CD177: variants seen among roughly 807,000 people sequenced by gnomAD.
CD177 encodes the protein CD177 molecule.
A neutral mutation model predicts 38.1 loss-of-function variants in CD177; 41 were observed. That is an observed-to-expected ratio of 1.07 (90% CI 0.84 to 1.39). The LOEUF (loss-of-function observed/expected upper bound fraction) is 1.39. CD177 is among the 40% of genes most tolerant of loss of function. CD177 has a pLI of 0.00. For synonymous variants in CD177, 236 were observed against 216.7 expected, an observed-to-expected ratio of 1.09 and a Z score of -0.78; for missense variants, 619 against 523.8, an observed-to-expected ratio of 1.18 and a Z score of -1.77.
rs572305367 is a variant in CD177 at position 43,360,286 on chromosome 19, G to A, written c.641G>A (p.Gly214Glu). 3.0e-5 allele frequency: 48 copies of A among 1,613,214 alleles called. No individual in the cohort carries two copies. Among genetic ancestry groups the A allele is most frequent in the Non-Finnish European group, 3.9e-5 (46 of 1,179,648 alleles). Reference sequence around the variant, plus strand: ...CCAGATTTTCTGACCTGTCATCGGGGGACCACCATTATGACACACGGAAAC... The same window carrying A: ...CCAGATTTTCTGACCTGTCATCGGGAGACCACCATTATGACACACGGAAAC... ...DMKDFLTCHR[G>E]TTIMTHGNLA... The change falls in exon 6 of 9, where the codon GGG becomes GAG. Residue 214 changes from glycine to glutamate, a missense_variant. Physicochemically the swap from Gly to Glu is moderately conservative, Grantham distance 98. Transcript: ENST00000618265.
rs764171369 is a variant in CD177 at position 43,356,088 on chromosome 19, C to G, written c.599C>G (p.Thr200Ser). The change falls in exon 5 of 9, where the codon ACT becomes AGT. Residue 200 changes from threonine to serine, a missense_variant. Coordinates refer to ENST00000618265, the MANE Select transcript of CD177 (RefSeq NM_020406.4). ...CAGGAAATTGGGCCCGTGGGTATGA[C>G]TGAGAACTGCGATATGAAAGGTGAG... is the stretch of plus-strand genomic sequence containing the variant. Reference protein sequence around the residue: ...GTQEIGPVGMTENCDMKDFLT... With the variant: ...GTQEIGPVGMSENCDMKDFLT... 5 of 627,122 alleles carry G rather than the reference C, an allele frequency of 8.0e-6. No homozygotes were observed. The highest frequency in any genetic ancestry group is 2.9e-6 in the Non-Finnish European group (1 of 347,234). The allele number at this position is 627,122 out of a possible 1,614,324, so 38.8% of individuals were successfully genotyped here. A position where few individuals can be genotyped will look rare whatever the true frequency, so the allele number is the denominator to read the frequency against.
At chr19:43,355,405 C>G in intron 3 of CD177, 3 of 458,900 alleles carry the variant, frequency 6.5e-6, no homozygotes, top group Non-Finnish European at 1.3e-5. Context: ...AGTCACCACA[C>G]CCAGCCAAGA....
At position 43,360,146 on chromosome 19, in the gene CD177, T is replaced by C. The variant is rs977349132; in HGVS notation, c.620-119T>C. On this transcript the variant is annotated intron_variant, in intron 5 of 8. Coordinates refer to ENST00000618265, the MANE Select transcript of CD177 (RefSeq NM_020406.4). Reference sequence around the variant, plus strand: ...TTCTGAATCCTTGGTTAAGGGAATCTGTGGCCAGGTCACCTGGAGTGTGAC... The same window carrying C: ...TTCTGAATCCTTGGTTAAGGGAATCCGTGGCCAGGTCACCTGGAGTGTGAC... 6.3e-4 allele frequency: 755 copies of C among 1,203,446 alleles called. 9 individuals are homozygous for C. The African/African-American group carries it at 8.4e-3, about 13-fold the overall frequency. 74.5% of individuals were successfully genotyped at this position (1,203,446 alleles called of 1,614,324 possible).
At position 43,361,128 on chromosome 19, in the gene CD177, C is replaced by G; in HGVS notation, c.761-15C>G. On this transcript the variant is annotated splice_polypyrimidine_tract_variant and intron_variant, in intron 6 of 8. Transcript: ENST00000618265. Reference sequence around the variant, plus strand: ...GCTGCCCAGTCCCCAGCCCAGCTTTCCCTCTCACCCTCAGGACTCACATCA... The same window carrying G: ...GCTGCCCAGTCCCCAGCCCAGCTTTGCCTCTCACCCTCAGGACTCACATCA... 1 of 1,417,084 alleles carries G rather than the reference C, an allele frequency of 7.1e-7. No homozygotes were observed. The highest frequency in any genetic ancestry group is 1.1e-5 in the South Asian group (1 of 87,434). 87.8% of individuals were successfully genotyped at this position (1,417,084 alleles called of 1,614,324 possible).
At chr19:43,364,225 A>G (rs58990749), downstream of CD177, among the ~76,000 whole-genome samples, 32,920 of 145,082 alleles carry the variant, frequency 0.23, 4,638 homozygotes, top group East Asian at 0.54. Flanking sequence ...ACAATGAGAG[A>G]AAGATGGGGA....
intron 5 of CD177, among the ~76,000 whole-genome samples, chr19:43,359,852 A>G: frequency 7.7e-6 from 1 of 130,106 alleles, no homozygotes; most frequent in Non-Finnish European, 1.6e-5. Flanking sequence ...TGCTCAGCCC[A>G]CCCTGGCCCT....
At position 43,363,139 on chromosome 19, in the gene CD177, T is replaced by C. The variant is rs1969997996; in HGVS notation, c.*819T>C. The C allele has an allele frequency of 6.6e-6, 1 of 152,174 alleles. No homozygotes were observed. The highest frequency in any genetic ancestry group is 1.9e-4 in the East Asian group (1 of 5,192). The allele number at this position is 152,174 out of a possible 1,614,324, so 9.4% of individuals were successfully genotyped here. A position where few individuals can be genotyped will look rare whatever the true frequency, so the allele number is the denominator to read the frequency against. ...TACACACATCTAAACATAGAAAAGG[T>C]ACAGCATAAATACACTATTGTCATC... On this transcript the variant is annotated 3_prime_UTR_variant, in exon 9 of 9. Transcript: ENST00000618265.
At position 43,360,166 on chromosome 19, in the gene CD177, T is replaced by C. The variant is rs918014192; in HGVS notation, c.620-99T>C. On this transcript the variant is annotated intron_variant, in intron 5 of 8. Coordinates refer to ENST00000618265, the MANE Select transcript of CD177 (RefSeq NM_020406.4). ...GAATCTGTGGCCAGGTCACCTGGAG[T>C]GTGACTCAAGAGTGTGATCACCTTC... is the stretch of plus-strand genomic sequence containing the variant. The C allele has an allele frequency of 2.2e-6, 3 of 1,395,118 alleles. No individual in the cohort carries two copies. The African/African-American group carries it at 4.3e-5, about 20-fold the overall frequency. The allele number at this position is 1,395,118 out of a possible 1,614,324, so 86.4% of individuals were successfully genotyped here. A position where few individuals can be genotyped will look rare whatever the true frequency, so the allele number is the denominator to read the frequency against.
At chr19:43,354,080 G>T in intron 2 of CD177, 87 bp downstream of exon 2, 2 of 1,571,832 alleles carry the variant, frequency 1.3e-6, no homozygotes, top group South Asian at 2.4e-5. Context: ...ACCCCTCCGG[G>T]GGATCGACTC....
intron 8 of CD177, among the ~76,000 whole-genome samples, chr19:43,361,845 G>C: frequency 6.9e-6 from 1 of 145,412 alleles, no homozygotes; most frequent in Non-Finnish European, 1.5e-5. Flanking sequence ...GGGGGCCGGG[G>C]CTCCTGGGTC....
At chr19:43,354,453 A>G in intron 3 of CD177, 61 bp downstream of exon 3, 3 of 1,569,288 alleles carry the variant, frequency 1.9e-6, no homozygotes, top group Non-Finnish European at 2.6e-6. Flanking sequence ...CGCTGAGCAC[A>G]GAGGGGCTGT....
rs907450717 is a variant in CD177 at position 43,362,412 on chromosome 19, C to A, written c.*92C>A. On this transcript the variant is annotated 3_prime_UTR_variant, in exon 9 of 9. Coordinates refer to ENST00000618265, the MANE Select transcript of CD177 (RefSeq NM_020406.4). The stretch of plus-strand genomic sequence containing the variant: ...ACCTAATGGCCTTGGACACCAGATT[C>A]TTTCCCATTCTGTCCATGAATCATC... The A allele has an allele frequency of 9.9e-6, 6 of 604,614 alleles. No homozygotes were observed. The highest frequency in any genetic ancestry group is 7.4e-5 in the African/African-American group (4 of 53,884). The allele number at this position is 604,614 out of a possible 1,614,324, so 37.5% of individuals were successfully genotyped here.
chr19:43,354,372 G>A lies in CD177; in HGVS notation c.359G>A (p.Trp120Ter). The change falls in exon 3 of 9, where the codon TGG (tryptophan) becomes TAG (stop). Residue 120 changes from tryptophan to a stop codon, truncating the protein, a stop_gained. Coordinates refer to ENST00000618265, the MANE Select transcript of CD177 (RefSeq NM_020406.4). LOFTEE classifies it high-confidence loss of function. Reference protein sequence around the residue: ...CNNLVNSLPLWAPQPPADPGS... With the variant: ...CNNLVNSLPL ...AACCTCGTTAACTCCCTCCCGCTTT[G>A]GGCCCCACAGCCCCCAGCAGGTGCC... is the stretch of plus-strand genomic sequence containing the variant. The A allele has an allele frequency of 6.2e-7, 1 of 1,613,834 alleles. No individual in the cohort carries two copies. The highest frequency in any genetic ancestry group is 8.5e-7 in the Non-Finnish European group (1 of 1,179,850).
chr19:43,354,418 A>AGGGAGGGGCTGCTAGAAG, intron 3 of CD177, 26 bp downstream of exon 3: 13 of 1,611,580 alleles, frequency 8.1e-6, no homozygotes, highest in Non-Finnish European at 1.1e-5. Context: ...TCGGGAGGAG[A>AGGGAGGGGCTGCTAGAAG]GGGAGGGGCT....
rs776789402 is a variant in CD177 at position 43,353,874 on chromosome 19, A to T, written c.74A>T (p.Gln25Leu). The T allele has an allele frequency of 6.2e-7, 1 of 1,613,692 alleles. No homozygotes were observed. Among genetic ancestry groups the T allele is most frequent in the African/African-American group, 1.3e-5 (1 of 74,838 alleles). Residue 25 changes from glutamine to leucine, a missense_variant, in exon 2 of 9, where the codon CAG becomes CTG. Coordinates refer to ENST00000618265, the MANE Select transcript of CD177 (RefSeq NM_020406.4). Reference sequence around the variant, plus strand: ...CCAGGAGTGCAGGCGCTGCTCTGCCAGTTTGGGACAGTTCAGCATGTGTGG... The same window carrying T: ...CCAGGAGTGCAGGCGCTGCTCTGCCTGTTTGGGACAGTTCAGCATGTGTGG... ...PLPGVQALLC[Q>L]FGTVQHVWKV...
chr19:43,363,974 C>T (rs1191514317), downstream of CD177, among the ~76,000 whole-genome samples: 5 of 151,914 alleles, frequency 3.3e-5, no homozygotes, highest in Non-Finnish European at 7.4e-5. Context: ...CCCCCTCCCT[C>T]TACTGGTCCC....
chr19:43,362,265 T>G lies in CD177; in HGVS notation c.1259T>G (p.Val420Gly), dbSNP rs2122254038. 1 of 1,606,462 alleles carries G rather than the reference T, an allele frequency of 6.2e-7. No homozygotes were observed. The highest frequency in any genetic ancestry group is 1.1e-5 in the South Asian group (1 of 90,846). The change falls in exon 9 of 9, where the codon GTG (valine) becomes GGG (glycine). Residue 420 changes from valine (V) to glycine (G), a missense_variant. Coordinates refer to ENST00000618265, the MANE Select transcript of CD177 (RefSeq NM_020406.4). ...AEGLESLTWG[V>G]GLALAPALWW... ...GGCCTGGAGTCTCTCACTTGGGGGG[T>G]GGGGCTGGCACTGGCCCCAGCGCTG...
intron 3 of CD177, 135 bp downstream of exon 3, chr19:43,354,527 T>C (rs1347883247): frequency 2.2e-5 from 19 of 870,444 alleles, no homozygotes; most frequent in Non-Finnish European, 3.2e-5. Context: ...CTCCCCTGAC[T>C]GCTCCCTGAC....
chr19:43,355,895 A>G, intron 4 of CD177, 97 bp from the exon 5 acceptor site: 1 of 1,480,602 alleles, frequency 6.8e-7, no homozygotes, highest in Non-Finnish European at 9.4e-7. Flanking sequence ...GACCCAGAGG[A>G]GGGTGGGCCT....
Sources: gnomAD v4.1 joint callset for allele counts (sites outside exome capture counted in the v4.1 genomes callset) on GRCh38, gnomAD v4.1.1 for gene constraint, MANE v1.5 for transcripts, NCBI Gene and HGNC (gene_info 2026-07-23, HGNC 2026-07-21) for gene names.